ESYT1: variants seen among roughly 807,000 people sequenced by gnomAD.
ESYT1 encodes extended synaptotagmin 1.
ESYT1 carries 116 observed loss-of-function variants against 154.2 expected under a neutral mutation model. The ratio of observed to expected loss-of-function variants is 0.75; its 90% CI spans 0.65 to 0.88. The LOEUF (loss-of-function observed/expected upper bound fraction) is 0.88, where lower values mean the gene tolerates loss of function less well. Among genes scored for constraint, ESYT1 ranks in the 40% least tolerant of loss-of-function variants. ESYT1 has a pLI of 0.00. For missense variants in ESYT1, 1,264 were observed against 1,379.3 expected (o/e 0.92, Z 1.32); for synonymous variants, 500 against 539.9 (o/e 0.93, Z 1.02).
At chr12:56,134,484 CT>C (rs1250509001) in intron 15 of ESYT1, 56 bp downstream of exon 15, 1 of 1,454,948 alleles carries the variant, frequency 6.9e-7, no homozygotes, top group East Asian at 2.3e-5. Context: ...CTTCCCAGAT[CT>C]GTACCATTTC....
In ESYT1 at chr12:56,131,517, G is replaced by A; in HGVS notation, c.755G>A (p.Gly252Glu). ...CGGGTGATACTGGAGCCACTCATTG[G>A]GGACCTTCCCTTCGTGGGGGCTGTG... ...VLRVILEPLI[G>E]DLPFVGAVSM... The change falls in exon 6 of 31, where the codon GGG becomes GAG. Residue 252 changes from glycine (G) to glutamate (E), a missense_variant. Coordinates refer to ENST00000394048, the MANE Select transcript of ESYT1 (RefSeq NM_015292.3). 6.2e-7 allele frequency: 1 copy of A among 1,614,110 alleles called. No homozygotes were observed. Among genetic ancestry groups the A allele is most frequent in the Non-Finnish European group, 8.5e-7 (1 of 1,180,028 alleles).
In ESYT1 at chr12:56,138,226, G is replaced by A. The variant is rs200723565; in HGVS notation, c.2291G>A (p.Arg764His). 58 of 1,614,192 alleles carry A rather than the reference G, an allele frequency of 3.6e-5. No individual in the cohort carries two copies. The highest frequency in any genetic ancestry group is 5.0e-5 in the Admixed American group (3 of 60,030). Residue 764 changes from arginine to histidine, a missense_variant, in exon 21 of 31, where the codon CGC (arginine) becomes CAC (histidine). Coordinates refer to ENST00000394048, the MANE Select transcript of ESYT1 (RefSeq NM_015292.3). Reference sequence around the variant, plus strand: ...GTCCCATCTGGCCGCCTGCACTTGCGCCTGGAGCGTCTCACCCCCCGTCCC... The same window carrying A: ...GTCCCATCTGGCCGCCTGCACTTGCACCTGGAGCGTCTCACCCCCCGTCCC... ...EDVPSGRLHLRLERLTPRPTA... is the reference protein window; with the variant it reads ...EDVPSGRLHLHLERLTPRPTA...
intron 15 of ESYT1, among the ~76,000 whole-genome samples, chr12:56,135,583 A>G (rs1870417172): frequency 6.6e-6 from 1 of 152,052 alleles, no homozygotes; most frequent in African/African-American, 2.4e-5. Context: ...ATATAAAATC[A>G]TTCAAGAACA....
intron 14 of ESYT1, 31 bp from the exon 15 acceptor site, chr12:56,134,311 T>C (rs755015708): frequency 6.2e-7 from 1 of 1,608,684 alleles, no homozygotes; most frequent in East Asian, 2.2e-5. Flanking sequence ...TGCTGTGGTA[T>C]ACACCCTTAA....
chr12:56,142,721 A>G lies in ESYT1; in HGVS notation c.2877A>G (p.Thr959=). 6.2e-7 allele frequency: 1 copy of G among 1,613,872 alleles called. No homozygotes were observed. The highest frequency in any genetic ancestry group is 8.5e-7 in the Non-Finnish European group (1 of 1,180,036). The stretch of plus-strand genomic sequence containing the variant: ...CCCCAGAGCTCCGGCAGCGCCTAAC[A>G]CATGTTGACAGGTAAAGGGCTGGGA... ...SSAPELRQRL[T]HVDSPLEAPA... is the part of the protein sequence containing the mutation. Residue 959 remains threonine, a synonymous_variant, in exon 26 of 31, where the codon ACA becomes ACG. Coordinates refer to ENST00000394048, the MANE Select transcript of ESYT1 (RefSeq NM_015292.3). This position sits in a 1 kb window ranked among gnomAD's most constrained non-coding sequence, Gnocchi z 4.1.
rs199780953 is a variant in ESYT1 at position 56,142,902 on chromosome 12, C to A, written c.2956C>A (p.Arg986=). 2 of 1,614,180 alleles carry A rather than the reference C, an allele frequency of 1.2e-6. No individual in the cohort carries two copies. Among genetic ancestry groups the A allele is most frequent in the South Asian group, 2.2e-5 (2 of 91,088 alleles). ...GACTCTGTGGTACTACAGTGAAGAA[C>A]GAAAGCTGGTCAGCATTGTTCATGG... ...KLTLWYYSEE[R]KLVSIVHGCR... is the part of the protein sequence containing the mutation. The change falls in exon 27 of 31, where the codon CGA becomes AGA. Residue 986 remains arginine, a synonymous_variant. Transcript: ENST00000394048. The surrounding 1 kb of genome is among the most constrained non-coding windows in gnomAD (Gnocchi z 4.1).
rs748480585 is a variant in ESYT1 at position 56,142,293 on chromosome 12, T to A, written c.2601T>A (p.Gly867=). ...HTESLELQVR[G]EGTGVLGSLS... is the part of the protein sequence containing the mutation. ...GTCCTGTTGCCCCACAGGTTCGGGGTGAGGGCACTGGCGTGCTGGGCTCAT... is the reference window on the plus strand; with the variant it reads ...GTCCTGTTGCCCCACAGGTTCGGGGAGAGGGCACTGGCGTGCTGGGCTCAT... Residue 867 remains glycine (G), a synonymous_variant, in exon 25 of 31, where the codon GGT becomes GGA. Transcript: ENST00000394048. This position sits in a 1 kb window ranked among gnomAD's most constrained non-coding sequence, Gnocchi z 4.1. 198 of 1,613,792 alleles carry A rather than the reference T, an allele frequency of 1.2e-4. No homozygotes were observed. The highest frequency in any genetic ancestry group is 1.6e-4 in the Non-Finnish European group (192 of 1,179,930).
intron 11 of ESYT1, 22 bp from the exon 12 acceptor site, chr12:56,133,566 A>T (rs938592532): frequency 6.2e-7 from 1 of 1,613,768 alleles, no homozygotes; most frequent in Non-Finnish European, 8.5e-7. Context: ...TCTGATCTCT[A>T]CTACATCTCA....
intron 28 of ESYT1, 37 bp downstream of exon 28, chr12:56,143,185 C>T: frequency 6.2e-7 from 1 of 1,614,130 alleles, no homozygotes; most frequent in Non-Finnish European, 8.5e-7. Context: ...AGATGGCAGG[C>T]TTGGAAAGGA....
chr12:56,137,707 T>A, intron 18 of ESYT1, 32 bp downstream of exon 18: 1 of 1,610,414 alleles, frequency 6.2e-7, no homozygotes, highest in East Asian at 2.2e-5. Context: ...CTCCTGGTTC[T>A]GCCCCATTTT....
In ESYT1 at chr12:56,142,549, T is replaced by C. The variant is rs1250267108; in HGVS notation, c.2734-29T>C. The C allele has an allele frequency of 1.9e-6, 3 of 1,613,946 alleles. No individual in the cohort carries two copies. The highest frequency in any genetic ancestry group is 1.1e-5 in the South Asian group (1 of 91,062). On this transcript the variant is annotated intron_variant, in intron 25 of 30. Transcript: ENST00000394048. This position sits in a 1 kb window ranked among gnomAD's most constrained non-coding sequence, Gnocchi z 4.1. Reference sequence around the variant, plus strand: ...TAGAGTGAGGGAACTGAGAGAACTCTGCCCAGCTCACAGCTTTCTTGCCCC... The same window carrying C: ...TAGAGTGAGGGAACTGAGAGAACTCCGCCCAGCTCACAGCTTTCTTGCCCC...
chr12:56,131,647 T>C (rs1565873011), intron 6 of ESYT1, 81 bp downstream of exon 6: 1 of 1,602,132 alleles, frequency 6.2e-7, no homozygotes, highest in East Asian at 2.2e-5. Flanking sequence ...TGAAGGGGAA[T>C]GAGAAGGGAA....
chr12:56,134,155 A>T lies in ESYT1; in HGVS notation c.1519A>T (p.Ile507Phe). Residue 507 changes from isoleucine (I) to phenylalanine (F), a missense_variant, in exon 14 of 31, where the codon ATT (isoleucine) becomes TTT (phenylalanine). Coordinates refer to ENST00000394048, the MANE Select transcript of ESYT1 (RefSeq NM_015292.3). ...ACCCAACCCTATGGTACAACTGTCA[A>T]TTCAGGATGTGACTCAGGAGAGCAA... ...KEPNPMVQLS[I>F]QDVTQESKAV... 1 of 1,614,142 alleles carries T rather than the reference A, an allele frequency of 6.2e-7. No homozygotes were observed. The highest frequency in any genetic ancestry group is 8.5e-7 in the Non-Finnish European group (1 of 1,180,010).
chr12:56,138,555 C>CTTTCT, intron 22 of ESYT1, 56 bp downstream of exon 22: 2 of 1,486,644 alleles, frequency 1.3e-6, no homozygotes, highest in Non-Finnish European at 1.8e-6. Flanking sequence ...CACCTTCCTC[C>CTTTCT]GGTTTGGATG....
rs549960041 is a variant in ESYT1, at chr12:56,128,450, G to A, written c.131G>A (p.Gly44Asp). 6.2e-7 allele frequency: 1 copy of A among 1,612,902 alleles called. No homozygotes were observed. Among genetic ancestry groups the A allele is most frequent in the Non-Finnish European group, 8.5e-7 (1 of 1,179,490 alleles). The stretch of plus-strand genomic sequence containing the variant: ...CCAGGTTCTGGGGGCCAACCTGCTG[G>A]CCCTGGCGCGGCGGGTGAGGCCCTG... ...PDPGSGGQPA[G>D]PGAAGEALAV... The change falls in exon 1 of 31, where the codon GGC becomes GAC. Residue 44 changes from glycine to aspartate, a missense_variant. Coordinates refer to ENST00000394048, the MANE Select transcript of ESYT1 (RefSeq NM_015292.3).
rs750033680 is a variant in ESYT1 at position 56,128,341 on chromosome 12, G to GGCCCCA, written c.35_40dup (p.Ser12_Pro13dup). On this transcript the variant is annotated inframe_insertion, in exon 1 of 31. Transcript: ENST00000394048. ...CACAATGGAGCGATCTCCAGGAGAGGGCCCCAGCCCCAGCCCCATGGACCA... is the reference window on the plus strand; with the variant it reads ...CACAATGGAGCGATCTCCAGGAGAGGGCCCCAGCCCCAGCCCCAGCCCCATGGACCA... The GGCCCCA allele has an allele frequency of 2.9e-5, 46 of 1,611,464 alleles. No individual in the cohort carries two copies. Among genetic ancestry groups the GGCCCCA allele is most frequent in the Non-Finnish European group, 3.5e-5 (41 of 1,179,346 alleles).
rs1870760800 is a variant in ESYT1, at chr12:56,142,819, T to A, written c.2889-16T>A. 6.2e-7 allele frequency: 1 copy of A among 1,614,052 alleles called. No homozygotes were observed. Among genetic ancestry groups the A allele is most frequent in the Admixed American group, 1.7e-5 (1 of 60,008 alleles). ...AGGCTCTAGCTTTCCCCAGACCTAC[T>A]GATATTTCTCCACAGTCCCCTTGAG... On this transcript the variant is annotated splice_polypyrimidine_tract_variant and intron_variant, in intron 26 of 30. Coordinates refer to ENST00000394048, the MANE Select transcript of ESYT1 (RefSeq NM_015292.3). This position sits in a 1 kb window ranked among gnomAD's most constrained non-coding sequence, Gnocchi z 4.1.
chr12:56,140,778 G>A (rs1014707847), intron 24 of ESYT1, among the ~76,000 whole-genome samples: 2 of 152,226 alleles, frequency 1.3e-5, no homozygotes, highest in African/African-American at 4.8e-5. Flanking sequence ...GGAGATCAGT[G>A]AGGAGACTGT....
In ESYT1 at chr12:56,142,763, A is replaced by G. The variant is rs747610051; in HGVS notation, c.2888+31A>G. The G allele has an allele frequency of 2.5e-6, 4 of 1,613,286 alleles. No homozygotes were observed. Among genetic ancestry groups the G allele is most frequent in the Non-Finnish European group, 3.4e-6 (4 of 1,179,734 alleles). On this transcript the variant is annotated intron_variant, in intron 26 of 30. Transcript: ENST00000394048. The surrounding 1 kb of genome is among the most constrained non-coding windows in gnomAD (Gnocchi z 4.1). ...GGGCTGGGACAGGAAGGTGGGACGC[A>G]GTCAGAAATAAAAAGTATTACAGGT...
Sources: gnomAD v4.1 joint callset for allele counts (sites outside exome capture counted in the v4.1 genomes callset) on GRCh38, gnomAD v4.1.1 for gene constraint, Gnocchi (gnomAD v3.1) non-coding constraint, MANE v1.5 for transcripts, NCBI Gene and HGNC (gene_info 2026-07-23, HGNC 2026-07-21) for gene names.